Variants in NRG1 observed in about 807,000 individuals in gnomAD.
NRG1 encodes the protein pro-neuregulin-1, membrane-bound isoform.
Under a neutral mutation model 63.8 loss-of-function variants are expected in NRG1, and 18 were observed. The ratio of observed to expected loss-of-function variants is 0.28; its 90% CI spans 0.19 to 0.42. NRG1 has a LOEUF of 0.42. Ranked by LOEUF, NRG1 falls within the 10% of genes least tolerant of loss-of-function variation. NRG1 has a pLI of 1.00. For synonymous variants in NRG1, 302 were observed against 301.3 expected (o/e 1.00, Z -0.02); for missense variants, 762 against 814.7 (o/e 0.94, Z 0.79).
chr8:31,800,225 T>C (rs1162172170), intron 1 of NRG1, among the ~76,000 whole-genome samples: 1 of 152,212 alleles, frequency 6.6e-6, no homozygotes, highest in Admixed American at 6.5e-5. Flanking sequence ...TACCCTTTAT[T>C]TTCATAGGAA....
intron 1 of NRG1, among the ~76,000 whole-genome samples, chr8:32,213,072 T>C (rs191485962): frequency 2.0e-4 from 31 of 152,326 alleles, no homozygotes; most frequent in African/African-American, 6.5e-4. Context: ...GATTGGCTAT[T>C]CAGGTTTTCT....
intron 1 of NRG1, among the ~76,000 whole-genome samples, chr8:32,288,794 C>T (rs762646571): frequency 1.3e-5 from 2 of 152,126 alleles, no homozygotes; most frequent in Non-Finnish European, 2.9e-5. Context: ...TGGAAAATCC[C>T]TAGTAACAGC....
chr8:32,173,544 G>C (rs1274837497), intron 1 of NRG1, among the ~76,000 whole-genome samples: 1 of 152,238 alleles, frequency 6.6e-6, no homozygotes, highest in African/African-American at 2.4e-5. Context: ...ACACAGACTG[G>C]CAGATTGGAT....
At chr8:32,748,339 G>GCGCA (rs1207515428) in intron 7 of NRG1, among the ~76,000 whole-genome samples, 9 of 128,410 alleles carry the variant, frequency 7.0e-5, no homozygotes, top group Admixed American at 1.6e-4. Flanking sequence ...GCGCGCGCGC[G>GCGCA]CACACACACA....
intron 6 of NRG1, among the ~76,000 whole-genome samples, chr8:32,731,271 G>A (rs2129019488): frequency 6.6e-6 from 1 of 152,216 alleles, no homozygotes; most frequent in East Asian, 1.9e-4. Flanking sequence ...TAATCCAGTA[G>A]TAAAAACGTG....
At chr8:32,076,340 C>T (rs997642901) in intron 1 of NRG1, among the ~76,000 whole-genome samples, 2 of 152,006 alleles carry the variant, frequency 1.3e-5, no homozygotes, top group Non-Finnish European at 1.5e-5. Flanking sequence ...ATCATGTATG[C>T]GTATTTCAAA....
At chr8:32,666,839 A>G (rs1269172845) in intron 5 of NRG1, among the ~76,000 whole-genome samples, 1 of 152,212 alleles carries the variant, frequency 6.6e-6, no homozygotes, top group Non-Finnish European at 1.5e-5. Context: ...GTTTCTGTGA[A>G]ACATCATATA....
chr8:32,555,628 C>T (rs553288062), intron 1 of NRG1, among the ~76,000 whole-genome samples: 6 of 152,106 alleles, frequency 3.9e-5, no homozygotes, highest in African/African-American at 1.2e-4. Context: ...CCCACCACCA[C>T]GCCCGGCTGA....
intron 1 of NRG1, among the ~76,000 whole-genome samples, chr8:31,803,426 CACT>C (rs1821982791): frequency 6.6e-6 from 1 of 152,148 alleles, no homozygotes; most frequent in African/African-American, 2.4e-5. Context: ...TACTCAGTTG[CACT>C]ACAAGTTTAT....
chr8:32,058,091 T>A (rs528751654), intron 1 of NRG1, among the ~76,000 whole-genome samples: 1 of 152,226 alleles, frequency 6.6e-6, no homozygotes, highest in South Asian at 2.1e-4. Context: ...ATGTATTAAT[T>A]CACCACGTGT....
At chr8:32,310,488 G>A (rs561807853) in intron 1 of NRG1, among the ~76,000 whole-genome samples, 1 of 152,266 alleles carries the variant, frequency 6.6e-6, no homozygotes, top group Admixed American at 6.5e-5. Context: ...GATGGACCTT[G>A]CCATAGACTC....
upstream of NRG1, among the ~76,000 whole-genome samples, chr8:32,544,819 G>A (rs1308871321): frequency 6.1e-5 from 9 of 148,662 alleles, no homozygotes; most frequent in South Asian, 1.7e-3. Flanking sequence ...CACCATGCCC[G>A]GCCTGTCTAT....
chr8:31,680,456 A>G (rs1476186017), intron 1 of NRG1, among the ~76,000 whole-genome samples: 1 of 151,816 alleles, frequency 6.6e-6, no homozygotes, highest in East Asian at 1.9e-4. Context: ...CCATGTCCCT[A>G]CAAAGGACAT....
chr8:32,360,184 G>A lies in NRG1; in HGVS notation c.38-235644G>A, dbSNP rs144793320. On this transcript the variant is annotated intron_variant, in intron 1 of 10. Coordinates refer to the NRG1 transcript ENST00000519301. ...TGATCAGAATCCCCATGTTTCCAGG[G>A]GCCAAACCTGTAATAGTCCCACAGA... 5.3e-4 allele frequency among the ~76,000 whole-genome samples: 80 copies of A among 152,190 alleles called. 2 individuals are homozygous for A. The highest frequency in any genetic ancestry group is 1.9e-3 in the African/African-American group (79 of 41,518).
chr8:32,282,353 C>T (rs1208546999), intron 1 of NRG1, among the ~76,000 whole-genome samples: 1 of 152,184 alleles, frequency 6.6e-6, no homozygotes, highest in East Asian at 1.9e-4. Flanking sequence ...CTCTCAAATC[C>T]AGACTCCTCT....
At chr8:32,603,710 C>T (rs191919626) in intron 2 of NRG1, among the ~76,000 whole-genome samples, 18 of 152,242 alleles carry the variant, frequency 1.2e-4, no homozygotes, top group Admixed American at 1.1e-3. Context: ...CTCCTGACCT[C>T]GTGATCTGTC....
rs189878386 is a variant in NRG1, at chr8:32,381,411, G to A, written c.38-214417G>A. ...GGCTTGTTCGTTTGCTGACTGTTTGGAATATAAGCTTCACGAGGGCAGCTG... is the reference window on the plus strand; with the variant it reads ...GGCTTGTTCGTTTGCTGACTGTTTGAAATATAAGCTTCACGAGGGCAGCTG... On this transcript the variant is annotated intron_variant, in intron 1 of 10. Transcript: ENST00000519301. Among the ~76,000 whole-genome samples, 29 of 152,248 alleles carry A rather than the reference G, an allele frequency of 1.9e-4. No homozygotes were observed. In the East Asian group the frequency reaches 4.2e-3, roughly 22 times the overall value.
At chr8:31,939,163 A>G (rs753306775) in intron 1 of NRG1, among the ~76,000 whole-genome samples, 1 of 152,194 alleles carries the variant, frequency 6.6e-6, no homozygotes, top group Non-Finnish European at 1.5e-5. Context: ...GCTCTGAGGC[A>G]AAAGCGTCAG....
intron 1 of NRG1, among the ~76,000 whole-genome samples, chr8:32,371,324 C>G (rs1808823873): frequency 6.6e-6 from 1 of 152,190 alleles, no homozygotes; most frequent in African/African-American, 2.4e-5. Flanking sequence ...AACACATGAC[C>G]ATCGTAAGGT....
Sources: gnomAD v4.1 joint callset for allele counts (sites outside exome capture counted in the v4.1 genomes callset) on GRCh38, gnomAD v4.1.1 for gene constraint, MANE v1.5 for transcripts, NCBI Gene and HGNC (gene_info 2026-07-23, HGNC 2026-07-21) for gene names.